COL10A1: variants seen among roughly 807,000 people sequenced by gnomAD.
COL10A1 encodes the protein collagen type X alpha 1 chain.
A neutral mutation model predicts 18.2 loss-of-function variants in COL10A1; 10 were observed. The observed-to-expected ratio is 0.55, with a 90% CI of 0.34 to 0.93. COL10A1 has a LOEUF of 0.93. COL10A1 is among the 40% of genes least tolerant of loss of function. The probability of loss-of-function intolerance (pLI) is 0.02; values close to 1 mark genes in which losing one functional copy is unlikely to be tolerated. For synonymous variants in COL10A1, 330 were observed against 316.6 expected (o/e 1.04, Z -0.45); for missense variants, 897 against 853.5 (o/e 1.05, Z -0.64).
rs139846596 is a variant in COL10A1 at position 116,120,766 on chromosome 6, A to G, written c.1350T>C (p.Thr450=). The G allele has an allele frequency of 2.6e-4, 425 of 1,612,662 alleles. 1 individual carries two copies. The East Asian group carries it at 9.2e-3, about 35-fold the overall frequency. ...GPRGAPGIPG[T]RGPIGPPGIP... ...TGCCTGGTGGCCCAATAGGGCCTCTAGTACCTGGTATTCCAGGGGCACCTC... is the reference window on the plus strand; with the variant it reads ...TGCCTGGTGGCCCAATAGGGCCTCTGGTACCTGGTATTCCAGGGGCACCTC... Residue 450 remains threonine (T), a synonymous_variant, in exon 3 of 3, where the codon ACT becomes ACC. Transcript: ENST00000651968.
the COL10A1 span, among the ~76,000 whole-genome samples, chr6:116,191,820 C>T: frequency 9.9e-5 from 15 of 151,764 alleles, no homozygotes; most frequent in Non-Finnish European, 1.6e-4. Context: ...ATTTGTATTC[C>T]CCAAACCTTA....
intron 1 of COL10A1, among the ~76,000 whole-genome samples, chr6:116,147,789 T>A (rs1027231080): frequency 3.9e-5 from 6 of 152,192 alleles, no homozygotes; most frequent in Non-Finnish European, 8.8e-5. Flanking sequence ...TATACAGGGT[T>A]ATTGATTATA....
At chr6:116,179,485 A>AG in the COL10A1 span, among the ~76,000 whole-genome samples, 1 of 152,322 alleles carries the variant, frequency 6.6e-6, no homozygotes, top group African/African-American at 2.4e-5. Context: ...GAACCCGAAT[A>AG]GACAATTCTC....
the COL10A1 span, among the ~76,000 whole-genome samples, chr6:116,179,943 A>C: frequency 6.6e-6 from 1 of 152,148 alleles, no homozygotes; most frequent in East Asian, 1.9e-4. Context: ...TTAGAATTTC[A>C]GAACAGTGTA....
At chr6:116,144,243 C>G (rs1440139291) in intron 1 of COL10A1, among the ~76,000 whole-genome samples, 2 of 152,166 alleles carry the variant, frequency 1.3e-5, no homozygotes, top group African/African-American at 4.8e-5. Context: ...GTGGCTCACG[C>G]CTGTATCCCA....
At chr6:116,127,879 C>G (rs1157312933), upstream of COL10A1, among the ~76,000 whole-genome samples, 1 of 152,178 alleles carries the variant, frequency 6.6e-6, no homozygotes, top group African/African-American at 2.4e-5. Context: ...ATTTGTTCAT[C>G]TGTGGCTATT....
upstream of COL10A1, among the ~76,000 whole-genome samples, chr6:116,163,246 G>GT (rs1780385518): frequency 6.9e-6 from 1 of 145,854 alleles, no homozygotes; most frequent in African/African-American, 2.5e-5. Context: ...TTTTTTTGTT[G>GT]TTGTTTGTTT....
chr6:116,144,540 T>C (rs1366594966), intron 1 of COL10A1, among the ~76,000 whole-genome samples: 1 of 152,146 alleles, frequency 6.6e-6, no homozygotes, highest in Non-Finnish European at 1.5e-5. Flanking sequence ...CCAACTTTCA[T>C]GAGTTTCTCC....
At chr6:116,186,895 A>T in the COL10A1 span, among the ~76,000 whole-genome samples, 27 of 152,092 alleles carry the variant, frequency 1.8e-4, no homozygotes, top group African/African-American at 6.3e-4. Flanking sequence ...CTTAGTTTGG[A>T]TCCATTGCTG....
upstream of COL10A1, among the ~76,000 whole-genome samples, chr6:116,126,925 G>A (rs1356706339): frequency 6.6e-6 from 1 of 152,132 alleles, no homozygotes; most frequent in Non-Finnish European, 1.5e-5. Context: ...AAAGGTGGAA[G>A]TAAACACTAT....
At chr6:116,182,222 A>AGT in the COL10A1 span, among the ~76,000 whole-genome samples, 30,981 of 124,490 alleles carry the variant, frequency 0.25, 3,349 homozygotes, top group Middle Eastern at 0.32. Context: ...TTCCATGGAG[A>AGT]GTGTGTGTGT....
rs759704485 is a variant in COL10A1 at position 116,120,420 on chromosome 6, C to T, written c.1696G>A (p.Gly566Arg). The T allele has an allele frequency of 3.7e-6, 6 of 1,614,118 alleles. No individual in the cohort carries two copies. In the African/African-American group the frequency reaches 8.0e-5, roughly 22 times the overall value. Residue 566 changes from glycine to arginine, a missense_variant, in exon 3 of 3, where the codon GGA becomes AGA. Gly to Arg is a moderately radical substitution (Grantham distance 125). Transcript: ENST00000651968. ...ATTTTATCAAATGGTATGGGAGTTC[C>T]TATTGCTGGGTAAGCTTTGGAGAGA... ...VILSKAYPAIGTPIPFDKILY... is the reference protein window; with the variant it reads ...VILSKAYPAIRTPIPFDKILY...
chr6:116,212,115 T>C, the COL10A1 span, among the ~76,000 whole-genome samples: 1 of 152,124 alleles, frequency 6.6e-6, no homozygotes, highest in African/African-American at 2.4e-5. Context: ...CAATTCTTTT[T>C]CAAATTTTTT....
At chr6:116,157,777 A>G (rs1780233256) in intron 1 of COL10A1, among the ~76,000 whole-genome samples, 1 of 152,222 alleles carries the variant, frequency 6.6e-6, no homozygotes, top group African/African-American at 2.4e-5. Flanking sequence ...AACAGACTCT[A>G]ACGGGGAAAT....
chr6:116,206,176 A>G, the COL10A1 span, among the ~76,000 whole-genome samples: 3 of 152,016 alleles, frequency 2.0e-5, no homozygotes, highest in Admixed American at 1.3e-4. Flanking sequence ...GGGCCCATGC[A>G]GGGCAATTCC....
At chr6:116,160,062 T>C (rs1319095092), upstream of COL10A1, among the ~76,000 whole-genome samples, 4 of 152,326 alleles carry the variant, frequency 2.6e-5, 1 homozygote, top group East Asian at 7.7e-4. Context: ...TTGTGAATAG[T>C]GCTCAATAAA....
At chr6:116,172,214 T>C in the COL10A1 span, among the ~76,000 whole-genome samples, 2 of 152,154 alleles carry the variant, frequency 1.3e-5, no homozygotes, top group Non-Finnish European at 2.9e-5. Context: ...TTTTTCACTT[T>C]TACATAGTAT....
At chr6:116,165,345 G>T in the COL10A1 span, among the ~76,000 whole-genome samples, 1 of 152,052 alleles carries the variant, frequency 6.6e-6, no homozygotes, top group African/African-American at 2.4e-5. Context: ...TATCTCACTG[G>T]TGTTCTGGAT....
chr6:116,147,783 C>G (rs996190068), intron 1 of COL10A1, among the ~76,000 whole-genome samples: 8 of 152,068 alleles, frequency 5.3e-5, no homozygotes, highest in African/African-American at 1.9e-4. Flanking sequence ...GATGTATATA[C>G]AGGGTTATTG....
Sources: gnomAD v4.1 joint callset for allele counts (sites outside exome capture counted in the v4.1 genomes callset) on GRCh38, gnomAD v4.1.1 for gene constraint, MANE v1.5 for transcripts, NCBI Gene and HGNC (gene_info 2026-07-23, HGNC 2026-07-21) for gene names.